Variants in TRIM63 observed in about 807,000 individuals in gnomAD.
TRIM63 encodes the protein E3 ubiquitin-protein ligase TRIM63.
In TRIM63, 48 loss-of-function variants were observed where a neutral mutation model predicts 46.0. The observed-to-expected ratio is 1.04, with a 90% CI of 0.83 to 1.33. The LOEUF is 1.33. Among genes scored for constraint, TRIM63 ranks in the 40% most tolerant of loss-of-function variants. TRIM63 has a pLI of 0.00. For synonymous variants in TRIM63, 175 were observed against 162.8 expected (o/e 1.08, Z -0.57); for missense variants, 455 against 441.2 (o/e 1.03, Z -0.28).
At chr1:26,053,079 G>A (rs542380397) in intron 8 of TRIM63, among the ~76,000 whole-genome samples, 104 of 151,944 alleles carry the variant, frequency 6.8e-4, no homozygotes, top group Middle Eastern at 3.4e-3. Flanking sequence ...GAGTAGCTAG[G>A]ACTACAGATA....
intron 2 of TRIM63, 94 bp from the exon 3 acceptor site, chr1:26,061,428 T>C (rs1481280642): frequency 3.6e-6 from 5 of 1,378,758 alleles, no homozygotes; most frequent in Non-Finnish European, 5.0e-6. Context: ...CTGGGGAGGC[T>C]GAGGCAGGAG....
chr1:26,061,445 T>TCAGC, intron 2 of TRIM63, 111 bp from the exon 3 acceptor site: 1 of 1,199,710 alleles, frequency 8.3e-7, no homozygotes, highest in Non-Finnish European at 1.2e-6. Flanking sequence ...GGAGGATTGC[T>TCAGC]CAGCCCAGGA....
chr1:26,065,482 A>G (rs545565975), intron 2 of TRIM63, among the ~76,000 whole-genome samples: 31 of 151,970 alleles, frequency 2.0e-4, no homozygotes, highest in African/African-American at 6.8e-4. Flanking sequence ...CTAGTTTTTA[A>G]ACTTTGTAGA....
Position 26,058,563 on chromosome 1 carries a change from G to T in TRIM63, c.658C>A (p.Leu220Met). 1 of 1,614,196 alleles carries T rather than the reference G, an allele frequency of 6.2e-7. No homozygotes were observed. The highest frequency in any genetic ancestry group is 8.5e-7 in the Non-Finnish European group (1 of 1,180,032). The stretch of plus-strand genomic sequence containing the variant: ...AGCAACTCACTTTTCTTCTCATCCA[G>T]GATGGCATACAACGTGTCAAACTTC... ...SQKFDTLYAI[L>M]DEKKSELLQR... Residue 220 changes from leucine to methionine, a missense_variant, in exon 5 of 9, where the codon CTG (leucine) becomes ATG (methionine). Transcript: ENST00000374272.
intron 2 of TRIM63, among the ~76,000 whole-genome samples, chr1:26,065,780 G>A (rs1288856993): frequency 1.3e-5 from 2 of 152,204 alleles, no homozygotes; most frequent in African/African-American, 2.4e-5. Context: ...CACTTCTTGA[G>A]CCTCAGTTTC....
chr1:26,054,075 G>T (rs1307102877), intron 7 of TRIM63, 111 bp from the exon 8 acceptor site: 2 of 713,446 alleles, frequency 2.8e-6, no homozygotes, highest in Non-Finnish European at 4.4e-6. Context: ...TGCCCAGTCG[G>T]GTCAAACGGC....
intron 8 of TRIM63, among the ~76,000 whole-genome samples, chr1:26,052,623 C>T (rs182533954): frequency 2.0e-5 from 3 of 151,998 alleles, no homozygotes; most frequent in Non-Finnish European, 4.4e-5. Flanking sequence ...CCCGTCACCA[C>T]GCCTGGCTAA....
intron 1 of TRIM63, 33 bp from the exon 2 acceptor site, chr1:26,066,473 G>T: frequency 2.0e-6 from 3 of 1,524,588 alleles, no homozygotes; most frequent in Non-Finnish European, 2.6e-6. Context: ...TGAGGCCTGG[G>T]CTCCCTACTT....
At chr1:26,063,372 C>T (rs1235088661) in intron 2 of TRIM63, among the ~76,000 whole-genome samples, 1 of 152,220 alleles carries the variant, frequency 6.6e-6, no homozygotes, top group African/African-American at 2.4e-5. Flanking sequence ...GTGTCAATGC[C>T]TCACCTCCAA....
chr1:26,056,993 C>A (rs943828117), intron 7 of TRIM63, among the ~76,000 whole-genome samples: 28 of 152,154 alleles, frequency 1.8e-4, no homozygotes, highest in South Asian at 4.1e-4. Context: ...AAACTCCTGA[C>A]CTCAAGTGAT....
intron 7 of TRIM63, among the ~76,000 whole-genome samples, chr1:26,056,875 G>T (rs1213434295): frequency 6.6e-6 from 1 of 150,836 alleles, no homozygotes; most frequent in African/African-American, 2.4e-5. Context: ...TGATTCTCCT[G>T]CCTCAGCTTC....
intron 6 of TRIM63, 91 bp downstream of exon 6, chr1:26,057,537 C>A: frequency 6.7e-7 from 1 of 1,481,708 alleles, no homozygotes; most frequent in Non-Finnish European, 9.1e-7. Context: ...GAGACCCTCC[C>A]AGCAGGCCTA....
chr1:26,054,883 T>C (rs1423783608), intron 7 of TRIM63, among the ~76,000 whole-genome samples: 1 of 150,592 alleles, frequency 6.6e-6, no homozygotes, highest in South Asian at 2.1e-4. Context: ...CAGGAGAATC[T>C]CTTGAACCCA....
chr1:26,051,936 G>T, intron 8 of TRIM63, 53 bp from the exon 9 acceptor site: 1 of 1,294,036 alleles, frequency 7.7e-7, no homozygotes, highest in East Asian at 2.8e-5. Context: ...GACTCAGGAG[G>T]ATCCAAGGCT....
At chr1:26,066,111 T>G (rs1021243254) in intron 2 of TRIM63, among the ~76,000 whole-genome samples, 157 bp downstream of exon 2, 13 of 151,590 alleles carry the variant, frequency 8.6e-5, no homozygotes, top group African/African-American at 3.2e-4. Flanking sequence ...TGGGTTGGGG[T>G]GTATGGGTCT....
chr1:26,060,387 G>T (rs763137283), intron 3 of TRIM63, 26 bp from the exon 4 acceptor site: 2 of 1,590,172 alleles, frequency 1.3e-6, no homozygotes, highest in African/African-American at 1.3e-5. Flanking sequence ...GGGGTCAGGA[G>T]AGGAGAGACA....
chr1:26,057,077 T>C (rs2050578907), intron 7 of TRIM63, 126 bp downstream of exon 7: 2 of 1,268,790 alleles, frequency 1.6e-6, no homozygotes, highest in South Asian at 2.9e-5. Context: ...GTTGGCTATA[T>C]GAGTTTGATT....
chr1:26,066,912 T>A (rs1433450953), intron 1 of TRIM63, among the ~76,000 whole-genome samples: 1 of 151,572 alleles, frequency 6.6e-6, no homozygotes, highest in Non-Finnish European at 1.5e-5. Context: ...GGGAACAGCC[T>A]CAAAAGGGAA....
chr1:26,051,920 G>C, intron 8 of TRIM63, 37 bp from the exon 9 acceptor site: 1 of 1,314,168 alleles, frequency 7.6e-7, no homozygotes, highest in Non-Finnish European at 9.8e-7. Flanking sequence ...CAAGGGGTGA[G>C]ACAGGGACTC....
Sources: gnomAD v4.1 joint callset for allele counts (sites outside exome capture counted in the v4.1 genomes callset) on GRCh38, gnomAD v4.1.1 for gene constraint, MANE v1.5 for transcripts, NCBI Gene and HGNC (gene_info 2026-07-23, HGNC 2026-07-21) for gene names.